SYNRG: variants seen among roughly 807,000 people sequenced by gnomAD.
SYNRG encodes AP1 gamma subunit binding protein 1.
Under a neutral mutation model 130.9 loss-of-function variants are expected in SYNRG, and 37 were observed. The observed-to-expected ratio is 0.28, with a 90% CI of 0.22 to 0.37. The LOEUF (loss-of-function observed/expected upper bound fraction) is 0.37. Among genes scored for constraint, SYNRG ranks in the 10% least tolerant of loss-of-function variants. The probability of loss-of-function intolerance (pLI) is 1.00; values close to 1 mark genes in which losing one functional copy is unlikely to be tolerated. For missense variants in SYNRG, 1,338 were observed against 1,588.9 expected (o/e 0.84, Z 2.68); for synonymous variants, 539 against 568.1 (o/e 0.95, Z 0.73).
chr17:37,572,139 CA>C, intron 8 of SYNRG, 152 bp from the exon 9 acceptor site: 1 of 688,526 alleles, frequency 1.5e-6, no homozygotes. Flanking sequence ...TAAACATATT[CA>C]AGTGCAGCTG....
intron 19 of SYNRG, among the ~76,000 whole-genome samples, chr17:37,531,650 G>A (rs1029532238): frequency 6.6e-6 from 1 of 151,978 alleles, no homozygotes; most frequent in Non-Finnish European, 1.5e-5. Flanking sequence ...TTGGTGGTGT[G>A]CACCTGTGGT....
intron 2 of SYNRG, among the ~76,000 whole-genome samples, chr17:37,596,772 T>C (rs1214760973): frequency 6.6e-6 from 1 of 152,092 alleles, no homozygotes; most frequent in Non-Finnish European, 1.5e-5. Context: ...AGTTATTTTT[T>C]TTTTCTTTTG....
intron 15 of SYNRG, 42 bp downstream of exon 15, chr17:37,541,929 GA>G (rs757132968): frequency 1.9e-6 from 3 of 1,553,270 alleles, no homozygotes; most frequent in Middle Eastern, 1.7e-4. Flanking sequence ...CATCTCAGTG[GA>G]AAAAAACCAC....
chr17:37,574,065 C>T (rs779354861), intron 8 of SYNRG, among the ~76,000 whole-genome samples: 4 of 152,082 alleles, frequency 2.6e-5, no homozygotes, highest in Non-Finnish European at 5.9e-5. Flanking sequence ...AAAACAGACA[C>T]AGAGACCAAT....
chr17:37,577,361 G>T lies in SYNRG; in HGVS notation c.823+19C>A, dbSNP rs1225512889. 1.2e-6 allele frequency: 2 copies of T among 1,607,450 alleles called. No homozygotes were observed. The highest frequency in any genetic ancestry group is 1.7e-5 in the Admixed American group (1 of 59,478). On this transcript the variant is annotated intron_variant, in intron 7 of 21. Transcript: ENST00000612223. ...CATTTGGTTAAACAAGTTTTTTGCTGAATGCTTCACGAGCTCACCACTCTC... is the reference window on the plus strand; with the variant it reads ...CATTTGGTTAAACAAGTTTTTTGCTTAATGCTTCACGAGCTCACCACTCTC...
intron 6 of SYNRG, chr17:37,579,093 T>G (rs1226281475): frequency 9.0e-7 from 1 of 1,111,740 alleles, no homozygotes; most frequent in African/African-American, 1.7e-5. Flanking sequence ...TATCCCAGGA[T>G]ATCTTAAGAA....
intron 6 of SYNRG, among the ~76,000 whole-genome samples, chr17:37,580,359 A>G (rs1425114171): frequency 6.7e-6 from 1 of 150,306 alleles, no homozygotes; most frequent in Non-Finnish European, 1.5e-5. Flanking sequence ...CAATGGCATG[A>G]GCTCAGCTCA....
rs2054330089 is a variant in SYNRG at position 37,515,152 on chromosome 17, A to G, written c.*3788T>C. The G allele has an allele frequency of 6.6e-6, 1 of 152,216 alleles. No homozygotes were observed. The highest frequency in any genetic ancestry group is 1.5e-5 in the Non-Finnish European group (1 of 68,034). The allele number at this position is 152,216 out of a possible 1,614,324, so 9.4% of individuals were successfully genotyped here. A position where few individuals can be genotyped will look rare whatever the true frequency, so the allele number is the denominator to read the frequency against. On this transcript the variant is annotated 3_prime_UTR_variant, in exon 22 of 22. Transcript: ENST00000612223. ...TAAGTAAAAACTTCATTATAATGCT[A>G]TTTTGTTAGAAAAGTATTTGTAAAG...
chr17:37,609,076 C>A (rs993074356), intron 1 of SYNRG, among the ~76,000 whole-genome samples: 5 of 151,672 alleles, frequency 3.3e-5, no homozygotes, highest in Non-Finnish European at 5.9e-5. Flanking sequence ...GCGGCCGGCG[C>A]CCCCAACTGA....
At chr17:37,591,858 A>G (rs972960215) in intron 3 of SYNRG, among the ~76,000 whole-genome samples, 10 of 152,210 alleles carry the variant, frequency 6.6e-5, no homozygotes, top group African/African-American at 2.4e-4. Context: ...AACTTTTAGA[A>G]AAAAATAGGA....
At position 37,556,404 on chromosome 17, in the gene SYNRG, T is replaced by C. The variant is rs188583255; in HGVS notation, c.1664-2345A>G. Among the ~76,000 whole-genome samples, 24 of 152,136 alleles carry C rather than the reference T, an allele frequency of 1.6e-4. No homozygotes were observed. In the East Asian group the frequency reaches 3.9e-3, roughly 24 times the overall value. ...AGACAGAGGTTGCAGTGAGCCGAGA[T>C]TGTGCCATTGCACTCCAGCCTGGGC... is the stretch of plus-strand genomic sequence containing the variant. On this transcript the variant is annotated intron_variant, in intron 13 of 21. Coordinates refer to ENST00000612223, the MANE Select transcript of SYNRG (RefSeq NM_007247.6).
intron 11 of SYNRG, chr17:37,567,148 G>C (rs1488976664): frequency 6.6e-6 from 1 of 152,296 alleles, no homozygotes; most frequent in African/African-American, 2.4e-5. Context: ...GAAAGAACAT[G>C]GTCAGTTTGG....
rs1044873553 is a variant in SYNRG at position 37,562,914 on chromosome 17, A to G, written c.1482-1325T>C. ...CTCCAGCTTTAGCTACGGTCTTTTA[A>G]GGCTCAATGGTAAAAATCTTTCTAC... is the stretch of plus-strand genomic sequence containing the variant. On this transcript the variant is annotated intron_variant, in intron 11 of 21. Coordinates refer to ENST00000612223, the MANE Select transcript of SYNRG (RefSeq NM_007247.6). 3.0e-4 allele frequency among the ~76,000 whole-genome samples: 45 copies of G among 152,192 alleles called. 1 individual carries two copies. The highest frequency in any genetic ancestry group is 2.5e-4 in the Non-Finnish European group (17 of 68,018).
In SYNRG at chr17:37,553,741, G is replaced by A. The variant is rs754091344; in HGVS notation, c.1982C>T (p.Thr661Ile). 66 of 1,612,848 alleles carry A rather than the reference G, an allele frequency of 4.1e-5. No homozygotes were observed. The highest frequency in any genetic ancestry group is 5.1e-5 in the Non-Finnish European group (60 of 1,179,804). Residue 661 changes from threonine (T) to isoleucine (I), a missense_variant, in exon 14 of 22, where the codon ACA becomes ATA. Transcript: ENST00000612223. ...SAATMTALAA[T>I]KTSSLADDFG... The stretch of plus-strand genomic sequence containing the variant: ...ATCATCAGCCAAACTAGAAGTTTTT[G>A]TTGCTGCCAATGCTGTCATAGTAGC...
At chr17:37,554,338 C>T (rs909098248) in intron 13 of SYNRG, among the ~76,000 whole-genome samples, 9 of 152,052 alleles carry the variant, frequency 5.9e-5, no homozygotes, top group Admixed American at 2.0e-4. Context: ...GCTCTAGATC[C>T]TACAACTGGC....
At chr17:37,590,795 C>G (rs1345337603) in intron 3 of SYNRG, among the ~76,000 whole-genome samples, 1 of 151,998 alleles carries the variant, frequency 6.6e-6, no homozygotes, top group Non-Finnish European at 1.5e-5. Context: ...TGGCGGACAC[C>G]TGTAATCCCT....
chr17:37,567,551 A>G (rs1198469308), intron 11 of SYNRG: 1 of 152,262 alleles, frequency 6.6e-6, no homozygotes, highest in Non-Finnish European at 1.5e-5. Context: ...GTGTTGGTGC[A>G]GCAGTCCTGG....
intron 19 of SYNRG, among the ~76,000 whole-genome samples, chr17:37,532,170 T>C (rs997555402): frequency 1.3e-5 from 2 of 152,242 alleles, no homozygotes; most frequent in Admixed American, 6.5e-5. Context: ...AATGTTTACA[T>C]AGTGCCTGGC....
chr17:37,555,839 G>A (rs940850017), intron 13 of SYNRG, among the ~76,000 whole-genome samples: 1 of 152,126 alleles, frequency 6.6e-6, no homozygotes, highest in Non-Finnish European at 1.5e-5. Context: ...CTGGGAGGCG[G>A]AGCTTGCAGT....
Sources: gnomAD v4.1 joint callset for allele counts (sites outside exome capture counted in the v4.1 genomes callset) on GRCh38, gnomAD v4.1.1 for gene constraint, MANE v1.5 for transcripts, NCBI Gene and HGNC (gene_info 2026-07-23, HGNC 2026-07-21) for gene names.